FAM76A: variants seen among roughly 807,000 people sequenced by gnomAD.
FAM76A encodes the protein protein FAM76A.
Under a neutral mutation model 46.2 loss-of-function variants are expected in FAM76A, and 32 were observed. The observed-to-expected ratio is 0.69, with a 90% CI of 0.52 to 0.93. FAM76A has a LOEUF of 0.93. FAM76A is among the 40% of genes least tolerant of loss of function. The probability of loss-of-function intolerance (pLI) is 0.00; values close to 1 mark genes in which losing one functional copy is unlikely to be tolerated. For synonymous variants in FAM76A, 137 were observed against 127.0 expected (o/e 1.08, Z -0.53); for missense variants, 274 against 361.5 (o/e 0.76, Z 1.96).
intron 7 of FAM76A, among the ~76,000 whole-genome samples, chr1:27,756,414 T>C (rs2088410105): frequency 6.6e-6 from 1 of 151,876 alleles, no homozygotes; most frequent in Non-Finnish European, 1.5e-5. Flanking sequence ...CCTCAACCTC[T>C]CAAGTAGCTG....
Position 27,732,640 on chromosome 1 carries a change from G to A in FAM76A, c.184G>A (p.Val62Met). 2.5e-6 allele frequency: 4 copies of A among 1,608,956 alleles called. No homozygotes were observed. The highest frequency in any genetic ancestry group is 3.4e-6 in the Non-Finnish European group (4 of 1,176,116). Residue 62 changes from valine to methionine, a missense_variant, in exon 3 of 9, where the codon GTG becomes ATG. Transcript: ENST00000373954. Reference sequence around the variant, plus strand: ...AATATGCAAGAAATGTGCTCAGAACGTGCAGTTGTATGGAACGGTAAGTAG... The same window carrying A: ...AATATGCAAGAAATGTGCTCAGAACATGCAGTTGTATGGAACGGTAAGTAG... ...NTICKKCAQN[V>M]QLYGTPKPCQ...
At chr1:27,731,201 T>A (rs866815765) in intron 2 of FAM76A, among the ~76,000 whole-genome samples, 10,791 of 135,758 alleles carry the variant, frequency 0.079, 969 homozygotes, top group African/African-American at 0.25. Context: ...AATCAGAATT[T>A]TTTTTTTTTT....
Position 27,737,806 on chromosome 1 carries a change from C to A in FAM76A, c.354+3623C>A, listed in dbSNP as rs1046044696. Among the ~76,000 whole-genome samples, 3 of 139,816 alleles carry A rather than the reference C, an allele frequency of 2.1e-5. No homozygotes were observed. In the South Asian group the frequency reaches 6.9e-4, roughly 32 times the overall value. The allele number at this position is 139,816 out of a possible 152,430, so 91.7% of individuals were successfully genotyped here. ...GGCAGAGGTTGCAGTGAGCTGAGAT[C>A]GTGCCTCTGCACTCCAGGCTGGGTA... On this transcript the variant is annotated intron_variant, in intron 4 of 8. Coordinates refer to ENST00000373954, the MANE Select transcript of FAM76A (RefSeq NM_152660.3).
At position 27,759,598 on chromosome 1, in the gene FAM76A, AC is replaced by A; in HGVS notation, c.811del (p.His271ThrfsTer16). 6.2e-7 allele frequency: 1 copy of A among 1,613,688 alleles called. No homozygotes were observed. Among genetic ancestry groups the A allele is most frequent in the Non-Finnish European group, 8.5e-7 (1 of 1,179,852 alleles). On this transcript the variant is annotated frameshift_variant, in exon 8 of 9. Coordinates refer to ENST00000373954, the MANE Select transcript of FAM76A (RefSeq NM_152660.3). LOFTEE classifies it high-confidence loss of function. ...AGCCAAAATGAACCAGATGGAGAAA[AC>A]CCACAAAGAAGTCACAGAACAACTG... is the stretch of plus-strand genomic sequence containing the variant. ...MRAKMNQMEK[T>X]HKEVTEQLQA... is the part of the protein sequence containing the mutation.
chr1:27,731,307 G>A (rs570726075), intron 2 of FAM76A, among the ~76,000 whole-genome samples: 7 of 149,756 alleles, frequency 4.7e-5, no homozygotes, highest in African/African-American at 2.5e-5. Flanking sequence ...AGGTTCAAGC[G>A]ATTCTTCTGC....
intron 8 of FAM76A, chr1:27,759,882 C>T (rs2088477572): frequency 1.8e-6 from 1 of 547,490 alleles, no homozygotes; most frequent in African/African-American, 1.9e-5. Context: ...ATCCTCCCAC[C>T]TCACCCTTCC....
At chr1:27,738,318 C>G (rs907909511) in intron 4 of FAM76A, among the ~76,000 whole-genome samples, 2 of 151,616 alleles carry the variant, frequency 1.3e-5, no homozygotes, top group South Asian at 2.1e-4. Context: ...GGTGAAACCC[C>G]GTCTCTACTA....
At chr1:27,733,296 ATTCTCTTTTTCT>A (rs1009938523) in intron 3 of FAM76A, among the ~76,000 whole-genome samples, 5 of 152,062 alleles carry the variant, frequency 3.3e-5, no homozygotes, top group Non-Finnish European at 7.4e-5. Flanking sequence ...TTGATGAATG[ATTCTCTTTTTCT>A]CTTAGTGTTA....
At position 27,732,647 on chromosome 1, in the gene FAM76A, T is replaced by G. The variant is rs1300599516; in HGVS notation, c.191T>G (p.Leu64Trp). 6.2e-7 allele frequency: 1 copy of G among 1,608,232 alleles called. No individual in the cohort carries two copies. The highest frequency in any genetic ancestry group is 1.1e-5 in the South Asian group (1 of 90,588). Residue 64 changes from leucine to tryptophan, a missense_variant, in exon 3 of 9, where the codon TTG (leucine) becomes TGG (tryptophan). Leu to Trp is a moderately conservative substitution (Grantham distance 61, BLOSUM62 -2). Transcript: ENST00000373954. ...AAGAAATGTGCTCAGAACGTGCAGT[T>G]GTATGGAACGGTAAGTAGGATATTT... ...ICKKCAQNVQ[L>W]YGTPKPCQYC...
intron 1 of FAM76A, among the ~76,000 whole-genome samples, chr1:27,726,788 T>G (rs184494785): frequency 6.6e-6 from 1 of 152,320 alleles, no homozygotes; most frequent in East Asian, 1.9e-4. Flanking sequence ...GACTAGCTGC[T>G]GATCAGTTTT....
chr1:27,741,343 G>A (rs1287774577), intron 4 of FAM76A, among the ~76,000 whole-genome samples: 56 of 151,710 alleles, frequency 3.7e-4, no homozygotes, highest in Admixed American at 3.7e-3. Flanking sequence ...GTGCCACCAC[G>A]CCCAGCTAAT....
Position 27,726,110 on chromosome 1 carries a change from C to T in FAM76A, c.30C>T (p.Cys10=). The change falls in exon 1 of 9, where the codon TGC becomes TGT. Residue 10 remains cysteine (C), a synonymous_variant. Transcript: ENST00000373954. ...CGGCGCTCTACGCCTGCACCAAGTG[C>T]CACCAGCGCTTCCCCTTCGAGGCGC... The part of the protein sequence containing the change: MAALYACTK[C]HQRFPFEALS... 1.5e-6 allele frequency: 2 copies of T among 1,296,532 alleles called. No individual in the cohort carries two copies. Among genetic ancestry groups the T allele is most frequent in the Non-Finnish European group, 2.0e-6 (2 of 1,017,064 alleles). The allele number at this position is 1,296,532 out of a possible 1,614,324, so 80.3% of individuals were successfully genotyped here.
intron 4 of FAM76A, among the ~76,000 whole-genome samples, chr1:27,734,996 G>A (rs1267688995): frequency 6.6e-6 from 1 of 152,202 alleles, no homozygotes; most frequent in Non-Finnish European, 1.5e-5. Context: ...GTTGTGCTTA[G>A]AATAAAACTC....
chr1:27,756,705 C>T (rs962909896), intron 7 of FAM76A, among the ~76,000 whole-genome samples: 1 of 152,000 alleles, frequency 6.6e-6, no homozygotes, highest in African/African-American at 2.4e-5. Flanking sequence ...AGTTGTCTTC[C>T]ATTTTTACAT....
chr1:27,732,470 C>A, intron 2 of FAM76A, 133 bp from the exon 3 acceptor site: 1 of 565,176 alleles, frequency 1.8e-6, no homozygotes, highest in Non-Finnish European at 3.2e-6. Context: ...GAAAGGTACT[C>A]AAGCTAGTGT....
chr1:27,762,793 C>T lies in FAM76A; in HGVS notation c.*2212C>T, dbSNP rs2148591564. ...TTTTTTAATTTTAAGGACTGAAATT[C>T]TGTTACATGATGTATGACAATATAA... is the stretch of plus-strand genomic sequence containing the variant. On this transcript the variant is annotated 3_prime_UTR_variant, in exon 9 of 9. Coordinates refer to ENST00000373954, the MANE Select transcript of FAM76A (RefSeq NM_152660.3). 1 of 151,918 alleles carries T rather than the reference C, an allele frequency of 6.6e-6. No individual in the cohort carries two copies. Among genetic ancestry groups the T allele is most frequent in the East Asian group, 1.9e-4 (1 of 5,178 alleles). 9.4% of individuals were successfully genotyped at this position (151,918 alleles called of 1,614,324 possible).
intron 7 of FAM76A, among the ~76,000 whole-genome samples, chr1:27,757,244 G>A (rs2148587565): frequency 8.2e-6 from 1 of 122,550 alleles, no homozygotes; most frequent in South Asian, 2.6e-4. Flanking sequence ...CACCCAGGCT[G>A]GAGTGCAGTG....
intron 7 of FAM76A, among the ~76,000 whole-genome samples, chr1:27,759,057 T>A (rs2088461342): frequency 1.3e-5 from 2 of 152,070 alleles, no homozygotes; most frequent in South Asian, 4.1e-4. Flanking sequence ...ACACATCACC[T>A]CTGATTTAGA....
chr1:27,739,840 TA>T (rs36037658), intron 4 of FAM76A: 17 of 178,948 alleles, frequency 9.5e-5, no homozygotes, highest in South Asian at 6.6e-4. Context: ...ATGATAATGT[TA>T]AAAAAAATAG....
Sources: gnomAD v4.1 joint callset for allele counts (sites outside exome capture counted in the v4.1 genomes callset) on GRCh38, gnomAD v4.1.1 for gene constraint, MANE v1.5 for transcripts, NCBI Gene and HGNC (gene_info 2026-07-23, HGNC 2026-07-21) for gene names.